Variants in PLCB4 observed in about 807,000 individuals in gnomAD.
PLCB4 encodes 1-phosphatidylinositol 4,5-bisphosphate phosphodiesterase beta-4.
A neutral mutation model predicts 178.8 loss-of-function variants in PLCB4; 77 were observed. The observed-to-expected ratio is 0.43, with a 90% CI of 0.36 to 0.52. The LOEUF (loss-of-function observed/expected upper bound fraction) is 0.52, where lower values mean the gene tolerates loss of function less well. PLCB4 is among the 20% of genes least tolerant of loss of function. PLCB4 has a pLI of 0.00. For missense variants in PLCB4, 1,024 were observed against 1,453.4 expected, an observed-to-expected ratio of 0.70 and a Z score of 4.80; for synonymous variants, 496 against 490.8, an observed-to-expected ratio of 1.01 and a Z score of -0.14.
chr20:9,303,574 A>G (rs1338063354), intron 3 of PLCB4, among the ~76,000 whole-genome samples: 2 of 152,078 alleles, frequency 1.3e-5, no homozygotes, highest in Non-Finnish European at 2.9e-5. Context: ...CATTTTCTCT[A>G]TGCATTCATT....
At chr20:9,299,192 T>A (rs746127715) in intron 3 of PLCB4, among the ~76,000 whole-genome samples, 15 of 152,086 alleles carry the variant, frequency 9.9e-5, no homozygotes, top group Non-Finnish European at 1.8e-4. Flanking sequence ...TCTCTTCCTG[T>A]TATTTGTTCT....
chr20:9,183,057 T>C (rs2093272752), intron 2 of PLCB4, among the ~76,000 whole-genome samples: 1 of 152,130 alleles, frequency 6.6e-6, no homozygotes, highest in African/African-American at 2.4e-5. Flanking sequence ...TGTCTGTGTC[T>C]ATTAAACTAC....
chr20:9,312,353 T>TGCAC (rs2094844540), intron 4 of PLCB4, among the ~76,000 whole-genome samples: 2 of 127,786 alleles, frequency 1.6e-5, no homozygotes, highest in Non-Finnish European at 3.4e-5. Context: ...CCTTCCACCC[T>TGCAC]ACACACACAC....
intron 1 of PLCB4, among the ~76,000 whole-genome samples, chr20:9,093,789 T>C (rs1216443894): frequency 1.3e-5 from 2 of 152,094 alleles, no homozygotes; most frequent in African/African-American, 4.8e-5. Flanking sequence ...GCGGGGTCAG[T>C]AAATCAAATT....
At chr20:9,146,089 G>T (rs1470280698) in intron 2 of PLCB4, among the ~76,000 whole-genome samples, 2 of 152,068 alleles carry the variant, frequency 1.3e-5, no homozygotes, top group African/African-American at 4.8e-5. Flanking sequence ...GTCAAAAGAT[G>T]GTGGATATTT....
intron 3 of PLCB4, among the ~76,000 whole-genome samples, chr20:9,249,142 G>A (rs888909115): frequency 2.0e-5 from 3 of 152,044 alleles, no homozygotes; most frequent in South Asian, 4.1e-4. Flanking sequence ...TTGAGTCCAC[G>A]TGGATAATCT....
At chr20:9,417,561 A>G (rs1370322523) in intron 25 of PLCB4, among the ~76,000 whole-genome samples, 3 of 152,134 alleles carry the variant, frequency 2.0e-5, no homozygotes, top group African/African-American at 7.2e-5. Context: ...ATAATTTTCC[A>G]TTGTATGGAT....
intron 2 of PLCB4, among the ~76,000 whole-genome samples, chr20:9,136,775 A>G (rs766041676): frequency 5.3e-5 from 8 of 152,108 alleles, no homozygotes; most frequent in Non-Finnish European, 1.0e-4. Context: ...TCATATGGGA[A>G]GGATAGAGCT....
chr20:9,395,680 C>A (rs1249043449), intron 19 of PLCB4, 62 bp downstream of exon 19: 16 of 1,224,412 alleles, frequency 1.3e-5, no homozygotes, highest in Non-Finnish European at 1.9e-5. Context: ...ATAAGAAAAC[C>A]AGGCTGGGCA....
intron 28 of PLCB4, among the ~76,000 whole-genome samples, chr20:9,424,802 G>C (rs1883486): frequency 6.6e-6 from 1 of 152,066 alleles, no homozygotes; most frequent in Non-Finnish European, 1.5e-5. Flanking sequence ...GGGGGTGGGC[G>C]GGGTGTCTGT....
intron 8 of PLCB4, among the ~76,000 whole-genome samples, chr20:9,364,994 C>A (rs6086860): frequency 1.3e-5 from 2 of 152,056 alleles, no homozygotes; most frequent in African/African-American, 4.8e-5. Context: ...AGGCTGGCTG[C>A]TGTCACCGTG....
At chr20:9,350,242 G>C (rs2148151444) in intron 7 of PLCB4, among the ~76,000 whole-genome samples, 1 of 152,162 alleles carries the variant, frequency 6.6e-6, no homozygotes, top group African/African-American at 2.4e-5. Flanking sequence ...TAATGGAAAA[G>C]ATTTGCTGGT....
At chr20:9,218,529 A>G (rs1231165785) in intron 3 of PLCB4, among the ~76,000 whole-genome samples, 2 of 152,144 alleles carry the variant, frequency 1.3e-5, no homozygotes, top group Non-Finnish European at 2.9e-5. Context: ...TGTTTCTCCT[A>G]ATAGGTCCTC....
intron 2 of PLCB4, among the ~76,000 whole-genome samples, chr20:9,114,413 GA>G (rs761200376): frequency 1.3e-5 from 2 of 150,702 alleles, no homozygotes; most frequent in East Asian, 1.9e-4. Context: ...GGAGAAGTCA[GA>G]AAAAAAAAGA....
intron 3 of PLCB4, among the ~76,000 whole-genome samples, chr20:9,246,444 GA>G (rs2094126946): frequency 6.6e-6 from 1 of 152,126 alleles, no homozygotes; most frequent in Non-Finnish European, 1.5e-5. Flanking sequence ...GTTTTCTGAT[GA>G]AAAACACAGT....
chr20:9,079,833 T>A (rs983981959), intron 1 of PLCB4, among the ~76,000 whole-genome samples: 9 of 21,764 alleles, frequency 4.1e-4, no homozygotes, highest in South Asian at 2.4e-3. Context: ...TTAAAAAAAT[T>A]TTTTTTTTAG....
chr20:9,443,071 G>A (rs2042205969), intron 30 of PLCB4, among the ~76,000 whole-genome samples: 1 of 152,112 alleles, frequency 6.6e-6, no homozygotes, highest in South Asian at 2.1e-4. Context: ...AACTGTTGTT[G>A]CCATGACAAC....
intron 25 of PLCB4, among the ~76,000 whole-genome samples, chr20:9,419,199 A>G (rs2148556878): frequency 6.6e-6 from 1 of 152,114 alleles, no homozygotes; most frequent in Non-Finnish European, 1.5e-5. Flanking sequence ...GAAATAATTT[A>G]TTTTTATTTT....
intron 2 of PLCB4, among the ~76,000 whole-genome samples, chr20:9,163,522 T>C (rs1282983923): frequency 6.6e-6 from 1 of 151,982 alleles, no homozygotes; most frequent in Non-Finnish European, 1.5e-5. Context: ...TTTCGTAGAT[T>C]ATACAGTATC....
Sources: gnomAD v4.1 joint callset for allele counts (sites outside exome capture counted in the v4.1 genomes callset) on GRCh38, gnomAD v4.1.1 for gene constraint, MANE v1.5 for transcripts, NCBI Gene and HGNC (gene_info 2026-07-23, HGNC 2026-07-21) for gene names.